HYDIN: variants seen among roughly 807,000 people sequenced by gnomAD.
The protein encoded by HYDIN is HYDIN axonemal central pair apparatus protein, also known as axonemal central pair apparatus protein HYDIN.
Under a neutral mutation model 403.9 loss-of-function variants are expected in HYDIN, and 132 were observed. The observed-to-expected ratio is 0.33, with a 90% CI of 0.28 to 0.38. HYDIN has a LOEUF of 0.38. Among genes scored for constraint, HYDIN ranks in the 10% least tolerant of loss-of-function variants. HYDIN has a pLI of 1.00. For synonymous variants in HYDIN, 1,202 were observed against 1,891.7 expected (o/e 0.64, Z 9.46); for missense variants, 2,827 against 5,009.5 (o/e 0.56, Z 13.15).
intron 78 of HYDIN, among the ~76,000 whole-genome samples, chr16:70,834,961 C>A (rs1255858706): frequency 7.2e-6 from 1 of 138,822 alleles, no homozygotes; most frequent in African/African-American, 3.0e-5. Context: ...TATATATATA[C>A]ACACATATAT....
intron 1 of HYDIN, among the ~76,000 whole-genome samples, chr16:71,189,665 G>A (rs1024139297): frequency 1.3e-5 from 2 of 151,738 alleles, no homozygotes; most frequent in East Asian, 1.9e-4. Flanking sequence ...TACTCAGGAG[G>A]CTGAGGCAGG....
At chr16:71,126,043 T>C (rs2084443005) in intron 9 of HYDIN, among the ~76,000 whole-genome samples, 1 of 151,974 alleles carries the variant, frequency 6.6e-6, no homozygotes, top group Admixed American at 6.5e-5. Flanking sequence ...TGCACTCCAT[T>C]GCTTGGAGAG....
chr16:71,201,628 T>C (rs1027814975), intron 1 of HYDIN, among the ~76,000 whole-genome samples: 1 of 152,200 alleles, frequency 6.6e-6, no homozygotes, highest in Non-Finnish European at 1.5e-5. Context: ...TTTCTTTGTA[T>C]TGAGGTGCTG....
chr16:70,852,971 C>A (rs780614197), intron 73 of HYDIN, among the ~76,000 whole-genome samples: 3 of 149,306 alleles, frequency 2.0e-5, no homozygotes, highest in Non-Finnish European at 4.4e-5. Flanking sequence ...GTCAGGAGCT[C>A]GAGACCAGCC....
chr16:71,109,407 A>T (rs1310295364), intron 10 of HYDIN, among the ~76,000 whole-genome samples: 7 of 134,358 alleles, frequency 5.2e-5, no homozygotes, highest in Non-Finnish European at 1.0e-4. Flanking sequence ...AGAATTATTT[A>T]TACGTATTTG....
intron 8 of HYDIN, 72 bp from the exon 9 acceptor site, chr16:71,129,895 G>A: frequency 3.2e-6 from 5 of 1,547,566 alleles, no homozygotes; most frequent in Non-Finnish European, 3.5e-6. Flanking sequence ...CTTCCCTCTA[G>A]TACCTCCTCC....
intron 7 of HYDIN, among the ~76,000 whole-genome samples, chr16:71,145,853 G>A (rs2085346948): frequency 6.6e-6 from 1 of 152,076 alleles, no homozygotes; most frequent in Non-Finnish European, 1.5e-5. Flanking sequence ...GTGACCTTGG[G>A]TGAGCCACTT....
intron 59 of HYDIN, 109 bp downstream of exon 59, chr16:70,883,811 T>G: frequency 7.6e-7 from 1 of 1,323,930 alleles, no homozygotes; most frequent in Non-Finnish European, 1.1e-6. Flanking sequence ...CCTTAGGTGA[T>G]CTGCCCGCCT....
chr16:70,808,789 A>G (rs2143416969), intron 85 of HYDIN, among the ~76,000 whole-genome samples: 1 of 152,270 alleles, frequency 6.6e-6, no homozygotes, highest in South Asian at 2.1e-4. Flanking sequence ...CTTTGTTGAT[A>G]GGTGTGGTCC....
intron 18 of HYDIN, among the ~76,000 whole-genome samples, chr16:71,034,144 CA>C (rs2081009777): frequency 1.3e-5 from 2 of 151,998 alleles, no homozygotes; most frequent in Non-Finnish European, 2.9e-5. Flanking sequence ...CAGTAGAAAA[CA>C]ATGGATTTGA....
intron 23 of HYDIN, among the ~76,000 whole-genome samples, chr16:71,001,223 AGAG>A (rs200030338): frequency 0.011 from 1,054 of 93,202 alleles, 24 homozygotes; most frequent in African/African-American, 0.043. Context: ...ACTGAGAGTG[AGAG>A]GAGATTATTG....
chr16:71,205,390 ACAGACG>A (rs1182894143), intron 1 of HYDIN, among the ~76,000 whole-genome samples: 2 of 152,220 alleles, frequency 1.3e-5, no homozygotes, highest in African/African-American at 4.8e-5. Flanking sequence ...CATGCTCTCT[ACAGACG>A]CCTGTGCAAG....
intron 1 of HYDIN, among the ~76,000 whole-genome samples, chr16:71,208,333 T>C (rs916348257): frequency 4.0e-5 from 6 of 151,570 alleles, no homozygotes; most frequent in Non-Finnish European, 8.9e-5. Context: ...GGGTAAATAA[T>C]GAAATCAAGA....
At chr16:71,190,087 C>T (rs145576380) in intron 1 of HYDIN, among the ~76,000 whole-genome samples, 10 of 152,164 alleles carry the variant, frequency 6.6e-5, no homozygotes, top group African/African-American at 2.4e-4. Flanking sequence ...TGAAAAAGCC[C>T]ATAAGCAATG....
At chr16:71,026,943 G>C (rs903757888) in intron 20 of HYDIN, among the ~76,000 whole-genome samples, 2 of 152,086 alleles carry the variant, frequency 1.3e-5, no homozygotes, top group Non-Finnish European at 2.9e-5. Flanking sequence ...ATTTTGTCGG[G>C]AGGGAGAGAC....
intron 7 of HYDIN, among the ~76,000 whole-genome samples, 175 bp downstream of exon 7, chr16:71,152,484 A>G (rs1475366516): frequency 6.6e-6 from 1 of 151,234 alleles, no homozygotes; most frequent in Non-Finnish European, 1.5e-5. Context: ...CACTGTACTC[A>G]GTGTGTAGTC....
intron 45 of HYDIN, among the ~76,000 whole-genome samples, chr16:70,931,583 T>G (rs1244199363): frequency 6.6e-6 from 1 of 151,446 alleles, no homozygotes; most frequent in Non-Finnish European, 1.5e-5. Flanking sequence ...ATTAACAGGA[T>G]CCCTAGGTGA....
chr16:71,060,065 G>C (rs1010949465), intron 18 of HYDIN, among the ~76,000 whole-genome samples: 1 of 151,986 alleles, frequency 6.6e-6, no homozygotes, highest in African/African-American at 2.4e-5. Context: ...TAGCCAAAAG[G>C]ACTCAAATTA....
chr16:71,101,567 A>G (rs1388734330), intron 10 of HYDIN, among the ~76,000 whole-genome samples: 1 of 148,128 alleles, frequency 6.8e-6, no homozygotes, highest in Non-Finnish European at 1.5e-5. Flanking sequence ...ACAAATGGCC[A>G]GCCAATATAA....
Sources: gnomAD v4.1 joint callset for allele counts (sites outside exome capture counted in the v4.1 genomes callset) on GRCh38, gnomAD v4.1.1 for gene constraint, MANE v1.5 for transcripts, NCBI Gene and HGNC (gene_info 2026-07-23, HGNC 2026-07-21) for gene names.